DYNC2LI1: variants seen among roughly 807,000 people sequenced by gnomAD.
DYNC2LI1 encodes the protein dynein cytoplasmic 2 light intermediate chain 1.
Under a neutral mutation model 51.9 loss-of-function variants are expected in DYNC2LI1, and 45 were observed. The ratio of observed to expected loss-of-function variants is 0.87; its 90% CI spans 0.68 to 1.11. DYNC2LI1 has a LOEUF of 1.11. Ranked by LOEUF, DYNC2LI1 falls within the 50% of genes most tolerant of loss-of-function variation. The probability of loss-of-function intolerance (pLI) is 0.00; values close to 1 mark genes in which losing one functional copy is unlikely to be tolerated. For missense variants in DYNC2LI1, 490 were observed against 417.4 expected (o/e 1.17, Z -1.51); for synonymous variants, 130 against 137.8 (o/e 0.94, Z 0.40).
At chr2:43,807,683 T>C (rs1268893268) in intron 12 of DYNC2LI1, among the ~76,000 whole-genome samples, 1 of 134,252 alleles carries the variant, frequency 7.4e-6, no homozygotes. Flanking sequence ...CCTCCCAAAG[T>C]GCTGGGATTA....
chr2:43,796,110 G>C lies in DYNC2LI1; in HGVS notation c.576+152G>C, dbSNP rs574677240. ...TAAAGATTTTGGAAAAGACATAGTT[G>C]GGACAGAAAAAAATAGGTAAAGAAA... On this transcript the variant is annotated intron_variant, in intron 7 of 12. Transcript: ENST00000260605. The C allele has an allele frequency of 6.9e-5, 43 of 624,808 alleles. No homozygotes were observed. The African/African-American group carries it at 8.0e-4, about 12-fold the overall frequency. The allele number at this position is 624,808 out of a possible 1,614,324, so 38.7% of individuals were successfully genotyped here. A position where few individuals can be genotyped will look rare whatever the true frequency, so the allele number is the denominator to read the frequency against.
chr2:43,820,132 C>G, the DYNC2LI1 span: 1 of 1,602,178 alleles, frequency 6.2e-7, no homozygotes, highest in South Asian at 1.1e-5. Context: ...AGTTTCCTCT[C>G]CAAGGGCTAT....
downstream of DYNC2LI1, chr2:43,812,737 T>C: frequency 5.0e-6 from 1 of 199,470 alleles, no homozygotes; most frequent in Non-Finnish European, 1.0e-5. Flanking sequence ...CCTTGAAACA[T>C]TTTATTTTTG....
chr2:43,776,157 G>A (rs1478170038), intron 1 of DYNC2LI1, among the ~76,000 whole-genome samples: 1 of 151,764 alleles, frequency 6.6e-6, no homozygotes, highest in African/African-American at 2.4e-5. Flanking sequence ...TTTACATTAG[G>A]TATTTCTCCT....
chr2:43,822,661 T>C, the DYNC2LI1 span: 33 of 1,551,464 alleles, frequency 2.1e-5, no homozygotes, highest in Non-Finnish European at 2.8e-5. Flanking sequence ...AGATACGACA[T>C]TGCACTAGAC....
downstream of DYNC2LI1, among the ~76,000 whole-genome samples, chr2:43,811,425 T>C (rs1295163968): frequency 1.3e-5 from 2 of 152,200 alleles, no homozygotes; most frequent in Non-Finnish European, 2.9e-5. Flanking sequence ...TTTCAAATGC[T>C]ATAATTTATC....
chr2:43,779,492 G>A (rs1673176653), intron 2 of DYNC2LI1, among the ~76,000 whole-genome samples: 1 of 152,176 alleles, frequency 6.6e-6, no homozygotes, highest in South Asian at 2.1e-4. Flanking sequence ...AGACACTGTG[G>A]AAACAGGAAT....
At chr2:43,794,405 C>A in intron 5 of DYNC2LI1, 52 bp from the exon 6 acceptor site, 1 of 1,521,354 alleles carries the variant, frequency 6.6e-7, no homozygotes, top group South Asian at 1.3e-5. Context: ...ATTAGGATTT[C>A]AAAATGGTAA....
At chr2:43,806,853 C>T (rs1167280303) in intron 12 of DYNC2LI1, among the ~76,000 whole-genome samples, 2 of 152,134 alleles carry the variant, frequency 1.3e-5, no homozygotes, top group Admixed American at 1.3e-4. Context: ...TCTTGTATCT[C>T]ACTGCCAGCA....
intron 2 of DYNC2LI1, among the ~76,000 whole-genome samples, chr2:43,779,961 A>G (rs1264511630): frequency 6.6e-6 from 1 of 152,190 alleles, no homozygotes; most frequent in Non-Finnish European, 1.5e-5. Flanking sequence ...GGTACAGTGC[A>G]AAGTGAGGGA....
chr2:43,775,834 C>T (rs1345174039), intron 1 of DYNC2LI1: 1 of 221,592 alleles, frequency 4.5e-6, no homozygotes, highest in South Asian at 4.7e-5. Context: ...GTTACAGACA[C>T]CCGCCACCAC....
the DYNC2LI1 span, among the ~76,000 whole-genome samples, chr2:43,826,837 C>T: frequency 2.0e-5 from 3 of 152,144 alleles, no homozygotes; most frequent in Non-Finnish European, 4.4e-5. Context: ...GGCAGGCTGG[C>T]ATCAAGTTGT....
chr2:43,803,104 G>GT (rs1286472549), intron 10 of DYNC2LI1, among the ~76,000 whole-genome samples: 1 of 152,160 alleles, frequency 6.6e-6, no homozygotes. Flanking sequence ...CTAGAAAACA[G>GT]TTTAACAGTT....
chr2:43,792,704 G>T, intron 5 of DYNC2LI1: 1 of 1,548,238 alleles, frequency 6.5e-7, no homozygotes, highest in African/African-American at 1.4e-5. Context: ...CCTACTGCCT[G>T]TCTCTATGAA....
chr2:43,796,180 G>T (rs1027795486), intron 7 of DYNC2LI1, among the ~76,000 whole-genome samples: 5 of 151,996 alleles, frequency 3.3e-5, no homozygotes, highest in Non-Finnish European at 7.4e-5. Context: ...TTTAGAAAAT[G>T]AATCTTGCCG....
At chr2:43,827,144 G>A in the DYNC2LI1 span, among the ~76,000 whole-genome samples, 7 of 152,182 alleles carry the variant, frequency 4.6e-5, no homozygotes, top group African/African-American at 1.7e-4. Flanking sequence ...GGCCAACATG[G>A]TGAAACCCTG....
chr2:43,776,959 T>C, intron 2 of DYNC2LI1, 60 bp downstream of exon 2: 1 of 888,614 alleles, frequency 1.1e-6, no homozygotes, highest in Non-Finnish European at 1.8e-6. Context: ...AAAATATCTG[T>C]TAATACTTTG....
intron 12 of DYNC2LI1, among the ~76,000 whole-genome samples, chr2:43,808,669 A>G (rs192322090): frequency 1.3e-4 from 20 of 152,344 alleles, no homozygotes; most frequent in African/African-American, 4.8e-4. Flanking sequence ...TTCAAGAGCT[A>G]TAGATAGATG....
chr2:43,813,720 T>TTTG (rs1558715763), downstream of DYNC2LI1, among the ~76,000 whole-genome samples: 14 of 126,810 alleles, frequency 1.1e-4, no homozygotes, highest in Non-Finnish European at 2.1e-4. Context: ...TTTTTTTTTT[T>TTTG]TTTTTTTTTT....
Sources: gnomAD v4.1 joint callset for allele counts (sites outside exome capture counted in the v4.1 genomes callset) on GRCh38, gnomAD v4.1.1 for gene constraint, MANE v1.5 for transcripts, NCBI Gene and HGNC (gene_info 2026-07-23, HGNC 2026-07-21) for gene names.